AMZ1: variants seen among roughly 807,000 people sequenced by gnomAD.
The protein encoded by AMZ1 is archaemetzincin-1.
AMZ1 carries 39 observed loss-of-function variants against 29.9 expected under a neutral mutation model. The ratio of observed to expected loss-of-function variants is 1.30; its 90% CI spans 1.01 to 1.70. The LOEUF (loss-of-function observed/expected upper bound fraction) is 1.70. AMZ1 is among the 40% of genes most tolerant of loss of function. The probability of loss-of-function intolerance (pLI) is 0.00; values close to 1 mark genes in which losing one functional copy is unlikely to be tolerated. For synonymous variants in AMZ1, 458 were observed against 304.0 expected (o/e 1.51, Z -5.27); for missense variants, 1,041 against 680.6 (o/e 1.53, Z -5.89).
chr7:2,687,427 G>T (rs758985333), upstream of AMZ1, among the ~76,000 whole-genome samples: 1 of 152,220 alleles, frequency 6.6e-6, no homozygotes, highest in Non-Finnish European at 1.5e-5. Flanking sequence ...TTTCTGCACG[G>T]TGAAGCAGAG....
At chr7:2,695,317 G>A (rs1246045064) in intron 1 of AMZ1, among the ~76,000 whole-genome samples, 1 of 152,172 alleles carries the variant, frequency 6.6e-6, no homozygotes, top group Non-Finnish European at 1.5e-5. Context: ...GGAGTCTGGT[G>A]GTGGGCATGC....
chr7:2,684,065 C>G (rs922676783), upstream of AMZ1, among the ~76,000 whole-genome samples: 10 of 151,950 alleles, frequency 6.6e-5, no homozygotes, highest in African/African-American at 2.4e-4. Flanking sequence ...ATAATCCCAG[C>G]TACTCAGGAG....
chr7:2,762,493 G>A, upstream of AMZ1: 11 of 796,042 alleles, frequency 1.4e-5, no homozygotes, highest in South Asian at 1.6e-4. Context: ...GGGGCCTGAG[G>A]TGTGAGTAGC....
At chr7:2,751,453 C>G (rs867047920) in intron 4 of AMZ1, among the ~76,000 whole-genome samples, 2 of 149,218 alleles carry the variant, frequency 1.3e-5, no homozygotes, top group African/African-American at 4.9e-5. Context: ...AATCACTGAC[C>G]AAAGGTACCA....
upstream of AMZ1, among the ~76,000 whole-genome samples, chr7:2,760,162 C>G (rs561078438): frequency 2.0e-5 from 3 of 152,380 alleles, no homozygotes; most frequent in South Asian, 6.2e-4. Flanking sequence ...GCTTTCTTCC[C>G]ATCGCCCGCC....
chr7:2,725,886 T>TGGTGCCTCTGTATACAGGCGTC (rs1262790151), intron 4 of AMZ1, among the ~76,000 whole-genome samples: 12 of 152,174 alleles, frequency 7.9e-5, no homozygotes, highest in African/African-American at 2.9e-4. Flanking sequence ...GACCCTCCCC[T>TGGTGCCTCTGTATACAGGCGTC]GGTGCCTCTG....
chr7:2,696,468 AG>A (rs1340239404), intron 1 of AMZ1, among the ~76,000 whole-genome samples: 1 of 149,942 alleles, frequency 6.7e-6, no homozygotes, highest in African/African-American at 2.4e-5. Context: ...CATGTTAGCC[AG>A]GATGGTCTCG....
At chr7:2,752,173 AG>A (rs1315361083) in intron 4 of AMZ1, among the ~76,000 whole-genome samples, 1 of 152,234 alleles carries the variant, frequency 6.6e-6, no homozygotes, top group Non-Finnish European at 1.5e-5. Context: ...AAAATAAGGA[AG>A]AAAAAAATAC....
chr7:2,727,267 A>AGTT (rs773228450), intron 4 of AMZ1, among the ~76,000 whole-genome samples: 4 of 151,952 alleles, frequency 2.6e-5, no homozygotes, highest in Non-Finnish European at 1.5e-5. Context: ...TTTTTAGTAG[A>AGTT]GTTGGGGTTT....
At chr7:2,750,799 G>A (rs1423067711) in intron 4 of AMZ1, among the ~76,000 whole-genome samples, 1 of 152,206 alleles carries the variant, frequency 6.6e-6, no homozygotes, top group Non-Finnish European at 1.5e-5. Context: ...ACAGTGTGAA[G>A]TTACAAAGTG....
intron 4 of AMZ1, among the ~76,000 whole-genome samples, chr7:2,740,630 A>G (rs1187211980): frequency 6.6e-6 from 1 of 152,236 alleles, no homozygotes; most frequent in African/African-American, 2.4e-5. Flanking sequence ...AGAGGCAAAG[A>G]TGGTGAAATG....
At chr7:2,711,414 A>G (rs1213497180) in intron 6 of AMZ1, among the ~76,000 whole-genome samples, 1 of 152,186 alleles carries the variant, frequency 6.6e-6, no homozygotes, top group Admixed American at 6.5e-5. Context: ...ACGATGGCTG[A>G]TGTGAGCTCC....
chr7:2,720,546 G>A (rs1036959657), downstream of AMZ1, among the ~76,000 whole-genome samples: 4 of 152,206 alleles, frequency 2.6e-5, no homozygotes, highest in Admixed American at 2.0e-4. Context: ...TGGGACTACA[G>A]GCGCCTGCCA....
intron 6 of AMZ1, 73 bp downstream of exon 6, chr7:2,709,889 T>C (rs2115171624): frequency 6.4e-7 from 1 of 1,570,602 alleles, no homozygotes; most frequent in African/African-American, 1.4e-5. Context: ...GCCTGGAGGC[T>C]ACGCAGGGCA....
At position 2,712,626 on chromosome 7, in the gene AMZ1, C is replaced by A. The variant is rs762632129; in HGVS notation, c.1245C>A (p.Ile415=). 65 of 1,612,888 alleles carry A rather than the reference C, an allele frequency of 4.0e-5. No individual in the cohort carries two copies. Among genetic ancestry groups the A allele is most frequent in the Non-Finnish European group, 5.3e-5 (63 of 1,179,888 alleles). ...ATGAACGGTGGCTGGCCATGTGCAT[C>A]CAGGCCCTGCAGCGGGAAGTGGCAG... ...KEHERWLAMC[I]QALQREVAEE... The change falls in exon 7 of 7, where the codon ATC becomes ATA. Residue 415 remains isoleucine (I), a synonymous_variant. Coordinates refer to ENST00000683327, the MANE Select transcript of AMZ1 (RefSeq NM_001384743.1).
At chr7:2,764,963 G>C (rs1349874683) in intron 1 of AMZ1, 1 of 152,228 alleles carries the variant, frequency 6.6e-6, no homozygotes, top group African/African-American at 2.4e-5. Flanking sequence ...ATTTTGTACG[G>C]TGGAAAAGTA....
chr7:2,701,092 G>A (rs1425073725), intron 2 of AMZ1, among the ~76,000 whole-genome samples: 1 of 151,908 alleles, frequency 6.6e-6, no homozygotes, highest in Non-Finnish European at 1.5e-5. Context: ...CACGCCGGGT[G>A]TGGTGGTGCA....
rs777054420 is a variant in AMZ1 at position 2,709,245 on chromosome 7, G to A, written c.771+1G>A. ...CCTGGGGATGGTTCAGTGCTGCAAG[G>A]TGGGTGGGGGCTCTGGGGCTGGTAA... On this transcript the variant is annotated splice_donor_variant, in intron 5 of 6. Transcript: ENST00000683327. LOFTEE classifies it high-confidence loss of function. The A allele has an allele frequency of 6.0e-6, 9 of 1,493,306 alleles. No homozygotes were observed. The highest frequency in any genetic ancestry group is 4.9e-5 in the Admixed American group (2 of 40,580). The allele number at this position is 1,493,306 out of a possible 1,614,324, so 92.5% of individuals were successfully genotyped here.
chr7:2,736,572 G>A (rs551170268), intron 4 of AMZ1, among the ~76,000 whole-genome samples: 1 of 152,068 alleles, frequency 6.6e-6, no homozygotes. Flanking sequence ...GTTGATATGG[G>A]GCCTGTGCAC....
Sources: gnomAD v4.1 joint callset for allele counts (sites outside exome capture counted in the v4.1 genomes callset) on GRCh38, gnomAD v4.1.1 for gene constraint, MANE v1.5 for transcripts, NCBI Gene and HGNC (gene_info 2026-07-23, HGNC 2026-07-21) for gene names.